Variants in GARIN2 observed in about 807,000 individuals in gnomAD.
The protein encoded by GARIN2 is golgi associated RAB2 interactor family member 2, also known as Golgi-associated RAB2 interactor protein 2.
At chr14:67,219,428 T>G in the GARIN2 span, among the ~76,000 whole-genome samples, 1 of 152,154 alleles carries the variant, frequency 6.6e-6, no homozygotes, top group Non-Finnish European at 1.5e-5. Context: ...CCTTTGACAC[T>G]CCAGTCACAT....
At chr14:67,225,441 G>T in the GARIN2 span, among the ~76,000 whole-genome samples, 6 of 152,130 alleles carry the variant, frequency 3.9e-5, no homozygotes. Context: ...AATCCATCAT[G>T]GGTCAAAAGA....
At chr14:67,223,206 G>A in the GARIN2 span, among the ~76,000 whole-genome samples, 9 of 151,964 alleles carry the variant, frequency 5.9e-5, no homozygotes, top group African/African-American at 2.2e-4. Context: ...CACCATGTTG[G>A]CCAGGCTGGT....
chr14:67,204,819 C>G, the GARIN2 span: 3 of 1,613,920 alleles, frequency 1.9e-6, no homozygotes, highest in Non-Finnish European at 1.7e-6. Context: ...TCACAGCCAT[C>G]CTGACCCCGT....
the GARIN2 span, among the ~76,000 whole-genome samples, chr14:67,209,660 A>C: frequency 6.6e-6 from 1 of 151,670 alleles, no homozygotes; most frequent in Non-Finnish European, 1.5e-5. Flanking sequence ...TCTACTAAAA[A>C]TACAAAAATT....
chr14:67,208,572 A>G, the GARIN2 span: 1 of 1,044,514 alleles, frequency 9.6e-7, no homozygotes, highest in Non-Finnish European at 1.4e-6. Flanking sequence ...GATGTAGTGT[A>G]ACTGAATGAT....
At chr14:67,198,571 A>G in the GARIN2 span, among the ~76,000 whole-genome samples, 3 of 152,212 alleles carry the variant, frequency 2.0e-5, no homozygotes, top group Non-Finnish European at 4.4e-5. Context: ...TTCCATCATA[A>G]TCTTCCCAAA....
the GARIN2 span, among the ~76,000 whole-genome samples, chr14:67,209,104 A>G: frequency 6.6e-6 from 1 of 152,196 alleles, no homozygotes; most frequent in Admixed American, 6.5e-5. Flanking sequence ...CGCTGATACA[A>G]TAAAAGTAAT....
the GARIN2 span, among the ~76,000 whole-genome samples, chr14:67,226,759 C>A: frequency 2.6e-5 from 4 of 152,128 alleles, no homozygotes; most frequent in Non-Finnish European, 5.9e-5. Context: ...AACAAATGTC[C>A]ACACTCCATA....
chr14:67,194,799 A>T, the GARIN2 span, among the ~76,000 whole-genome samples: 1 of 152,192 alleles, frequency 6.6e-6, no homozygotes, highest in South Asian at 2.1e-4. Context: ...CTGGGATTAC[A>T]GGCACCTGTC....
the GARIN2 span, chr14:67,201,283 G>A: frequency 2.9e-6 from 1 of 348,918 alleles, no homozygotes; most frequent in Admixed American, 3.8e-5. Flanking sequence ...GATAAGACAA[G>A]ACTTTGTCTC....
the GARIN2 span, among the ~76,000 whole-genome samples, chr14:67,194,738 T>G: frequency 3.9e-5 from 6 of 152,118 alleles, no homozygotes. Flanking sequence ...CCTGACCTGG[T>G]GATCCACCTC....
chr14:67,213,527 G>C, the GARIN2 span, among the ~76,000 whole-genome samples: 1 of 151,716 alleles, frequency 6.6e-6, no homozygotes, highest in Non-Finnish European at 1.5e-5. Flanking sequence ...GTATTCCATG[G>C]TGTATATGTG....
the GARIN2 span, among the ~76,000 whole-genome samples, chr14:67,207,316 C>T: frequency 4.6e-5 from 7 of 152,042 alleles, no homozygotes; most frequent in Non-Finnish European, 1.5e-5. Flanking sequence ...GGAGCCAGCA[C>T]ATCACATGGC....
the GARIN2 span, among the ~76,000 whole-genome samples, chr14:67,193,051 T>C: frequency 1.4e-5 from 2 of 145,372 alleles, no homozygotes; most frequent in South Asian, 4.5e-4. Context: ...TAGATATAGA[T>C]ATATCTCTAT....
chr14:67,207,398 G>A, the GARIN2 span, among the ~76,000 whole-genome samples: 1 of 152,054 alleles, frequency 6.6e-6, no homozygotes, highest in African/African-American at 2.4e-5. Context: ...CATCAACTTA[G>A]AGTGAGAACT....
the GARIN2 span, among the ~76,000 whole-genome samples, chr14:67,190,778 G>GCTGGAC: frequency 4.6e-5 from 7 of 152,200 alleles, 1 homozygote; most frequent in East Asian, 1.3e-3. Context: ...CTAGAATTGT[G>GCTGGAC]CTGGACCTAG....
the GARIN2 span, chr14:67,199,070 C>A: frequency 4.6e-6 from 4 of 878,024 alleles, no homozygotes; most frequent in South Asian, 1.4e-5. Context: ...CCATGGCTAC[C>A]AGGCCGATCT....
chr14:67,193,595 ATATC>A, the GARIN2 span, among the ~76,000 whole-genome samples: 1 of 144,406 alleles, frequency 6.9e-6, no homozygotes, highest in Non-Finnish European at 1.5e-5. Flanking sequence ...ATATAGATAT[ATATC>A]TATAGATATA....
the GARIN2 span, among the ~76,000 whole-genome samples, chr14:67,212,942 G>C: frequency 6.6e-6 from 1 of 151,478 alleles, no homozygotes; most frequent in African/African-American, 2.4e-5. Flanking sequence ...GCAAAGCATC[G>C]TTAACTATCT....
Sources: allele counts gnomAD v4.1 joint callset (sites outside exome capture counted in the v4.1 genomes callset), GRCh38; gene constraint gnomAD v4.1.1; transcripts MANE v1.5; gene names NCBI Gene and HGNC (gene_info 2026-07-23, HGNC 2026-07-21).